UBE2E2: variants seen among roughly 807,000 people sequenced by gnomAD.
UBE2E2 encodes ubiquitin-conjugating enzyme E2 E2.
In UBE2E2, 6 loss-of-function variants were observed where a neutral mutation model predicts 24.7. The observed-to-expected ratio is 0.24, with a 90% CI of 0.13 to 0.48. The LOEUF is 0.48. UBE2E2 is among the 20% of genes least tolerant of loss of function. UBE2E2 has a pLI of 0.99. For missense variants in UBE2E2, 169 were observed against 245.0 expected (o/e 0.69, Z 2.07); for synonymous variants, 104 against 83.6 (o/e 1.24, Z -1.33).
chr3:23,414,726 A>G (rs1218793377), intron 3 of UBE2E2, among the ~76,000 whole-genome samples: 2 of 152,144 alleles, frequency 1.3e-5, no homozygotes, highest in African/African-American at 4.8e-5. Flanking sequence ...TTACAAAGTG[A>G]TTAGGTCATG....
At chr3:23,340,750 A>G (rs1467607003) in intron 3 of UBE2E2, among the ~76,000 whole-genome samples, 12 of 152,174 alleles carry the variant, frequency 7.9e-5, no homozygotes, top group Non-Finnish European at 1.5e-5. Flanking sequence ...TGCTGGGAGC[A>G]ATAGGTGTGT....
chr3:23,208,840 C>G lies in UBE2E2; in HGVS notation c.141C>G (p.Ser47Arg). The change falls in exon 2 of 6, where the codon AGC becomes AGG. Residue 47 changes from serine to arginine, a missense_variant. This residue lies in a region of UBE2E2 where 64 missense variants were observed against 64.3 expected (regional missense o/e 1.00). Coordinates refer to ENST00000396703, the MANE Select transcript of UBE2E2 (RefSeq NM_152653.4). ...QPKKKEGKISSKTAAKLSTSA... is the reference protein window; with the variant it reads ...QPKKKEGKISRKTAAKLSTSA... ...AGAAAAAGGAGGGAAAAATATCCAG[C>G]AAAACCGCTGCTAAATTGTCAACTA... 1 of 1,613,186 alleles carries G rather than the reference C, an allele frequency of 6.2e-7. No homozygotes were observed. The highest frequency in any genetic ancestry group is 1.1e-5 in the South Asian group (1 of 90,930).
intron 3 of UBE2E2, among the ~76,000 whole-genome samples, chr3:23,357,001 G>C (rs1213678874): frequency 1.3e-5 from 2 of 152,230 alleles, no homozygotes; most frequent in Admixed American, 1.3e-4. Flanking sequence ...AATCCAGACT[G>C]CTTTGATCTT....
intron 3 of UBE2E2, among the ~76,000 whole-genome samples, chr3:23,232,301 A>G (rs1405708987): frequency 1.3e-5 from 2 of 152,194 alleles, no homozygotes; most frequent in Non-Finnish European, 2.9e-5. Context: ...AACAAATACT[A>G]TTTCAAAATA....
intron 3 of UBE2E2, among the ~76,000 whole-genome samples, chr3:23,435,493 C>T (rs920256192): frequency 6.6e-6 from 1 of 152,174 alleles, no homozygotes; most frequent in Non-Finnish European, 1.5e-5. Flanking sequence ...GATGGCTGAA[C>T]ACGTCAGTTG....
chr3:23,550,780 G>C (rs920222031), intron 5 of UBE2E2, among the ~76,000 whole-genome samples: 1 of 152,166 alleles, frequency 6.6e-6, no homozygotes, highest in Non-Finnish European at 1.5e-5. Context: ...AAACCAAAGA[G>C]AGAGGCCAGC....
intron 3 of UBE2E2, among the ~76,000 whole-genome samples, chr3:23,451,528 G>A (rs987536128): frequency 2.1e-4 from 32 of 152,140 alleles, no homozygotes; most frequent in African/African-American, 6.3e-4. Flanking sequence ...CGCTTCTGAC[G>A]ACTATACCGT....
chr3:23,360,888 A>G (rs1000735304), intron 3 of UBE2E2, among the ~76,000 whole-genome samples: 13 of 150,636 alleles, frequency 8.6e-5, no homozygotes, highest in Admixed American at 2.6e-4. Flanking sequence ...TAATCAGCAG[A>G]GTAAACAGAC....
At chr3:23,248,615 G>A (rs566480902) in intron 3 of UBE2E2, among the ~76,000 whole-genome samples, 10 of 152,254 alleles carry the variant, frequency 6.6e-5, no homozygotes, top group South Asian at 4.2e-4. Flanking sequence ...TCTTCTTTAC[G>A]AAAAGGAGAG....
intron 4 of UBE2E2, among the ~76,000 whole-genome samples, chr3:23,527,437 A>G (rs772050659): frequency 2.3e-4 from 35 of 152,196 alleles, no homozygotes; most frequent in Non-Finnish European, 2.1e-4. Context: ...AATAAGAAAT[A>G]TATACTATTT....
intron 3 of UBE2E2, among the ~76,000 whole-genome samples, chr3:23,354,932 A>G (rs1459967995): frequency 6.6e-6 from 1 of 152,090 alleles, no homozygotes; most frequent in Non-Finnish European, 1.5e-5. Flanking sequence ...ATGCACACGT[A>G]TGTTTATTGC....
At chr3:23,473,571 T>C (rs1699069643) in intron 3 of UBE2E2, among the ~76,000 whole-genome samples, 5 of 152,036 alleles carry the variant, frequency 3.3e-5, no homozygotes, top group Admixed American at 3.3e-4. Flanking sequence ...TAGTCTCTTA[T>C]CTCTCACCCC....
intron 3 of UBE2E2, among the ~76,000 whole-genome samples, chr3:23,266,567 C>A (rs546100019): frequency 6.6e-6 from 1 of 151,922 alleles, no homozygotes; most frequent in Non-Finnish European, 1.5e-5. Context: ...CTCTGGCTGC[C>A]CTTAACATTT....
chr3:23,271,433 G>T (rs557873455), intron 3 of UBE2E2, among the ~76,000 whole-genome samples: 1 of 152,182 alleles, frequency 6.6e-6, no homozygotes, highest in South Asian at 2.1e-4. Context: ...AAGAGCCAAA[G>T]AACAAAGCTT....
chr3:23,380,471 C>A (rs2125349847), intron 3 of UBE2E2, among the ~76,000 whole-genome samples: 1 of 152,282 alleles, frequency 6.6e-6, no homozygotes, highest in South Asian at 2.1e-4. Context: ...AGTGATCCTC[C>A]CGCCTCCACC....
intron 3 of UBE2E2, among the ~76,000 whole-genome samples, chr3:23,450,302 C>T (rs1698534013): frequency 6.6e-6 from 1 of 152,086 alleles, no homozygotes. Context: ...TCTGTGCTTC[C>T]AACATTGTAA....
intron 4 of UBE2E2, 90 bp downstream of exon 4, chr3:23,499,830 ATGTC>A: frequency 7.1e-7 from 1 of 1,418,310 alleles, no homozygotes; most frequent in Non-Finnish European, 9.4e-7. Context: ...CTAGGGATGC[ATGTC>A]TATTCTGTTG....
chr3:23,431,439 A>C (rs1698058509), intron 3 of UBE2E2, among the ~76,000 whole-genome samples: 1 of 152,102 alleles, frequency 6.6e-6, no homozygotes, highest in Non-Finnish European at 1.5e-5. Context: ...GCCACCAGCC[A>C]GCTTTCCAGT....
At chr3:23,467,792 T>G (rs1487081712) in intron 3 of UBE2E2, among the ~76,000 whole-genome samples, 2 of 152,190 alleles carry the variant, frequency 1.3e-5, no homozygotes, top group Non-Finnish European at 2.9e-5. Context: ...CACAGTTTTG[T>G]GAGCTGTACA....
Sources: allele counts gnomAD v4.1 joint callset (sites outside exome capture counted in the v4.1 genomes callset), GRCh38; gene constraint gnomAD v4.1.1; regional missense constraint gnomAD v4.1.1; transcripts MANE v1.5; gene names NCBI Gene and HGNC (gene_info 2026-07-23, HGNC 2026-07-21).